ADGRA3: variants seen among roughly 807,000 people sequenced by gnomAD.
The protein encoded by ADGRA3 is adhesion G protein-coupled receptor A3, also known as G-protein coupled receptor 125.
In ADGRA3, 56 loss-of-function variants were observed where a neutral mutation model predicts 119.8. The observed-to-expected ratio is 0.47, with a 90% CI of 0.38 to 0.58. ADGRA3 has a LOEUF of 0.58. ADGRA3 is among the 20% of genes least tolerant of loss of function. ADGRA3 has a pLI of 0.00. For missense variants in ADGRA3, 1,516 were observed against 1,649.0 expected (o/e 0.92, Z 1.40); for synonymous variants, 607 against 623.8 (o/e 0.97, Z 0.40).
intron 1 of ADGRA3, among the ~76,000 whole-genome samples, chr4:22,499,675 G>A (rs886794571): frequency 8.5e-5 from 13 of 152,048 alleles, no homozygotes; most frequent in African/African-American, 1.7e-4. Flanking sequence ...TATTATTCCA[G>A]GATAAAATTT....
chr4:22,408,840 T>G (rs1715065660), intron 14 of ADGRA3, among the ~76,000 whole-genome samples: 1 of 152,212 alleles, frequency 6.6e-6, no homozygotes, highest in African/African-American at 2.4e-5. Context: ...AGCTTTTTCT[T>G]GACACCCAAA....
chr4:22,514,632 A>G (rs1362597558), intron 1 of ADGRA3: 6 of 152,226 alleles, frequency 3.9e-5, no homozygotes, highest in Non-Finnish European at 2.9e-5. Flanking sequence ...AGGGACTCAC[A>G]TTTCAGTTGA....
In ADGRA3 at chr4:22,496,185, C is replaced by T. The variant is rs546877973; in HGVS notation, c.257+19343G>A. On this transcript the variant is annotated intron_variant, in intron 1 of 18. Coordinates refer to ENST00000334304, the MANE Select transcript of ADGRA3 (RefSeq NM_145290.4). Reference sequence around the variant, plus strand: ...TTTGTGTTCCCTTTCTGTGAAGATCCGGAAATCTCCTTTGACCTTTACAAC... The same window carrying T: ...TTTGTGTTCCCTTTCTGTGAAGATCTGGAAATCTCCTTTGACCTTTACAAC... Among the ~76,000 whole-genome samples the T allele has an allele frequency of 2.0e-5, 3 of 151,958 alleles. No homozygotes were observed. In the South Asian group the frequency reaches 6.2e-4, roughly 32 times the overall value.
intron 17 of ADGRA3, among the ~76,000 whole-genome samples, chr4:22,391,872 AC>A (rs1357070887): frequency 3.3e-5 from 5 of 150,856 alleles, no homozygotes; most frequent in African/African-American, 1.2e-4. Flanking sequence ...TTTCCTAACA[AC>A]CCCCCGCCCC....
rs759821657 is a variant in ADGRA3 at position 22,424,305 on chromosome 4, A to G, written c.1491T>C (p.Asp497=). ...VDIASNIMLA[D]ERVLWLAQRE... is the part of the protein sequence containing the mutation. Reference sequence around the variant, plus strand: ...TCTGCGCCAGCCACAGGACACGTTCATCAGCCAACATGATGTTACTTGCAA... The same window carrying G: ...TCTGCGCCAGCCACAGGACACGTTCGTCAGCCAACATGATGTTACTTGCAA... Residue 497 remains aspartate (D), a synonymous_variant, in exon 11 of 19, where the codon GAT becomes GAC. Transcript: ENST00000334304. 19 of 1,613,974 alleles carry G rather than the reference A, an allele frequency of 1.2e-5. No homozygotes were observed. Among genetic ancestry groups the G allele is most frequent in the Non-Finnish European group, 1.6e-5 (19 of 1,179,886 alleles).
At chr4:22,468,313 C>T (rs954300537) in intron 2 of ADGRA3, among the ~76,000 whole-genome samples, 13 of 152,174 alleles carry the variant, frequency 8.5e-5, no homozygotes, top group Admixed American at 3.9e-4. Flanking sequence ...TGCTGAATTA[C>T]CTTAGCGGCC....
At chr4:22,454,007 T>G (rs1276843987) in intron 4 of ADGRA3, among the ~76,000 whole-genome samples, 1 of 151,996 alleles carries the variant, frequency 6.6e-6, no homozygotes. Context: ...ACTACAGGCA[T>G]GTGCCACCAC....
At chr4:22,487,071 G>C (rs985535399) in intron 1 of ADGRA3, among the ~76,000 whole-genome samples, 2 of 152,116 alleles carry the variant, frequency 1.3e-5, no homozygotes, top group Non-Finnish European at 2.9e-5. Context: ...CTCCTGAAAA[G>C]GTCAACAGCA....
At chr4:22,508,303 A>G (rs1042470320) in intron 1 of ADGRA3, among the ~76,000 whole-genome samples, 3 of 152,216 alleles carry the variant, frequency 2.0e-5, no homozygotes, top group Non-Finnish European at 4.4e-5. Context: ...TGGGCTTCCA[A>G]GGCAAGGGTG....
chr4:22,406,907 T>TA (rs370174872), intron 14 of ADGRA3, among the ~76,000 whole-genome samples: 1,503 of 149,342 alleles, frequency 0.01, 14 homozygotes, highest in Middle Eastern at 0.046. Flanking sequence ...TTTCCCACCT[T>TA]AAAAAAAAAA....
At chr4:22,422,085 G>C (rs1038334330) in intron 11 of ADGRA3, among the ~76,000 whole-genome samples, 1 of 152,036 alleles carries the variant, frequency 6.6e-6, no homozygotes, top group Non-Finnish European at 1.5e-5. Flanking sequence ...CTGGAGGACA[G>C]AGTGGGCGTG....
chr4:22,425,351 T>C (rs1185843319), intron 10 of ADGRA3, among the ~76,000 whole-genome samples: 1 of 152,190 alleles, frequency 6.6e-6, no homozygotes, highest in Non-Finnish European at 1.5e-5. Flanking sequence ...TTCTTTTTAT[T>C]CGCTCACTTC....
chr4:22,420,844 T>C, intron 12 of ADGRA3, 42 bp downstream of exon 12: 2 of 1,569,454 alleles, frequency 1.3e-6, no homozygotes, highest in Non-Finnish European at 1.8e-6. Flanking sequence ...GCATTCTAAT[T>C]TAACTGTAAA....
chr4:22,487,551 T>TG (rs1180745683), intron 1 of ADGRA3, among the ~76,000 whole-genome samples: 3 of 152,156 alleles, frequency 2.0e-5, no homozygotes, highest in Non-Finnish European at 4.4e-5. Context: ...GTCCAAGGTC[T>TG]GGGGGTTGGT....
chr4:22,511,946 A>T (rs967483620), intron 1 of ADGRA3, among the ~76,000 whole-genome samples: 13 of 124,586 alleles, frequency 1.0e-4, no homozygotes, highest in Non-Finnish European at 2.1e-4. Flanking sequence ...ACCCAGGCTG[A>T]AGTGCAGTGG....
At chr4:22,439,027 G>T (rs1716509025) in intron 7 of ADGRA3, among the ~76,000 whole-genome samples, 1 of 152,112 alleles carries the variant, frequency 6.6e-6, no homozygotes, top group Non-Finnish European at 1.5e-5. Context: ...AACAGGAATG[G>T]CAAGCCCAAA....
intron 17 of ADGRA3, among the ~76,000 whole-genome samples, chr4:22,389,752 G>A (rs1322010080): frequency 1.3e-5 from 2 of 152,096 alleles, no homozygotes; most frequent in East Asian, 3.9e-4. Flanking sequence ...TTTCCAAAGA[G>A]AGGTGGGGAC....
At position 22,445,151 on chromosome 4, in the gene ADGRA3, A is replaced by T. The variant is rs1318862873; in HGVS notation, c.546-18T>A. 6.2e-7 allele frequency: 1 copy of T among 1,610,512 alleles called. No homozygotes were observed. Among genetic ancestry groups the T allele is most frequent in the South Asian group, 1.1e-5 (1 of 90,960 alleles). On this transcript the variant is annotated intron_variant, in intron 5 of 18. Coordinates refer to ENST00000334304, the MANE Select transcript of ADGRA3 (RefSeq NM_145290.4). ...GGAATTCCCTGTAACATGCAAATAC[A>T]ACTTAGAGATTATAGTGAATAAAAT...
chr4:22,483,123 T>C (rs1718308412), intron 1 of ADGRA3, among the ~76,000 whole-genome samples: 1 of 152,194 alleles, frequency 6.6e-6, no homozygotes, highest in South Asian at 2.1e-4. Flanking sequence ...TCCCCTCTCC[T>C]TTCACAGGTG....
Sources: gnomAD v4.1 joint callset for allele counts (sites outside exome capture counted in the v4.1 genomes callset) on GRCh38, gnomAD v4.1.1 for gene constraint, MANE v1.5 for transcripts, NCBI Gene and HGNC (gene_info 2026-07-23, HGNC 2026-07-21) for gene names.